The following PIK3C2G variants were observed in gnomAD, a reference collection of about 807,000 sequenced individuals.
PIK3C2G encodes phosphatidylinositol 3-kinase C2 domain-containing subunit gamma.
Under a neutral mutation model 181.1 loss-of-function variants are expected in PIK3C2G, and 168 were observed. That is an observed-to-expected ratio of 0.93 (90% CI 0.82 to 1.05). PIK3C2G has a LOEUF of 1.05. Among genes scored for constraint, PIK3C2G ranks in the 50% least tolerant of loss-of-function variants. PIK3C2G has a pLI of 0.00. For synonymous variants in PIK3C2G, 573 were observed against 592.2 expected (o/e 0.97, Z 0.47); for missense variants, 1,869 against 1,732.8 (o/e 1.08, Z -1.40).
chr12:18,495,487 A>C lies in PIK3C2G; in HGVS notation c.2794-575A>C, dbSNP rs556519150. On this transcript the variant is annotated intron_variant, in intron 20 of 32. Transcript: ENST00000538779. Reference sequence around the variant, plus strand: ...GAAAAATGTAAGGATTTTTCAAAGTACCTGATTAGTGTCAGGCATTGTAAA... The same window carrying C: ...GAAAAATGTAAGGATTTTTCAAAGTCCCTGATTAGTGTCAGGCATTGTAAA... Among the ~76,000 whole-genome samples, 61 of 152,106 alleles carry C rather than the reference A, an allele frequency of 4.0e-4. 1 individual carries two copies. The highest frequency in any genetic ancestry group is 2.2e-3 in the Admixed American group (33 of 15,270).
At chr12:18,693,194 A>C in the PIK3C2G span, 1 of 1,564,328 alleles carries the variant, frequency 6.4e-7, no homozygotes, top group Non-Finnish European at 8.8e-7. Flanking sequence ...TTTCATTTGC[A>C]GACAAGGATC....
At chr12:18,705,691 C>A in the PIK3C2G span, among the ~76,000 whole-genome samples, 7 of 150,360 alleles carry the variant, frequency 4.7e-5, no homozygotes, top group African/African-American at 7.4e-5. Context: ...CATAGTGAAA[C>A]CCCATCTCTA....
chr12:18,457,614 T>C (rs1238981053), intron 18 of PIK3C2G, among the ~76,000 whole-genome samples: 2 of 152,176 alleles, frequency 1.3e-5, no homozygotes, highest in African/African-American at 4.8e-5. Flanking sequence ...TCTCTCTGTC[T>C]GTAATCATCT....
chr12:18,718,778 T>C, the PIK3C2G span, among the ~76,000 whole-genome samples: 1 of 152,220 alleles, frequency 6.6e-6, no homozygotes, highest in African/African-American at 2.4e-5. Context: ...TTTACCTGGT[T>C]ATTATCTGTC....
chr12:18,589,155 A>G (rs1946942316), intron 29 of PIK3C2G, among the ~76,000 whole-genome samples: 1 of 151,848 alleles, frequency 6.6e-6, no homozygotes, highest in South Asian at 2.1e-4. Context: ...CATATAACAA[A>G]CCTGCACATG....
chr12:18,561,397 T>TG (rs1945335043), intron 26 of PIK3C2G, among the ~76,000 whole-genome samples: 1 of 152,216 alleles, frequency 6.6e-6, no homozygotes, highest in Non-Finnish European at 1.5e-5. Context: ...GAAGATCCTT[T>TG]GAGCCTAGGA....
intron 1 of PIK3C2G, among the ~76,000 whole-genome samples, chr12:18,274,147 G>A (rs1238709874): frequency 6.6e-6 from 1 of 152,154 alleles, no homozygotes; most frequent in African/African-American, 2.4e-5. Flanking sequence ...AAAAAGTCAG[G>A]AAACAACAGG....
Position 18,362,812 on chromosome 12 carries a change from GC to G in PIK3C2G, c.1675del (p.Leu559CysfsTer4). 6.6e-7 allele frequency: 1 copy of G among 1,524,028 alleles called. No individual in the cohort carries two copies. Among genetic ancestry groups the G allele is most frequent in the Non-Finnish European group, 8.8e-7 (1 of 1,141,440 alleles). 94.4% of individuals were successfully genotyped at this position (1,524,028 alleles called of 1,614,324 possible). On this transcript the variant is annotated frameshift_variant, in exon 12 of 33. Transcript: ENST00000538779. LOFTEE classifies it high-confidence loss of function. ...GTTGGCTTACATATGCTGGAAAGAA[GC>G]TGTGCCAAGTGAGAAACTACAGAAA... is the stretch of plus-strand genomic sequence containing the variant. ...TCWLTYAGKK[L>X]CQVRNYRNIP... is the part of the protein sequence containing the mutation.
intron 28 of PIK3C2G, among the ~76,000 whole-genome samples, chr12:18,566,348 G>GAT (rs1482820240): frequency 6.6e-6 from 1 of 152,160 alleles, no homozygotes; most frequent in East Asian, 1.9e-4. Flanking sequence ...TAGACAGCAA[G>GAT]ATATGTTACC....
At chr12:18,612,256 C>G (rs1948378352) in intron 31 of PIK3C2G, among the ~76,000 whole-genome samples, 1 of 152,094 alleles carries the variant, frequency 6.6e-6, no homozygotes, top group Non-Finnish European at 1.5e-5. Context: ...CTCTGTGGCT[C>G]AATCTCACAT....
chr12:18,723,457 A>G, the PIK3C2G span: 428 of 1,612,926 alleles, frequency 2.7e-4, 1 homozygote, highest in Non-Finnish European at 2.9e-4. Flanking sequence ...GAAAATCTCA[A>G]TAATTTCTTC....
downstream of PIK3C2G, among the ~76,000 whole-genome samples, chr12:18,650,754 A>G (rs187833642): frequency 0.18 from 18,930 of 105,256 alleles, 2,516 homozygotes; most frequent in East Asian, 0.34. Context: ...ATATATATAT[A>G]TATATATATA....
At position 18,453,380 on chromosome 12, in the gene PIK3C2G, C is replaced by CT. The variant is rs375979688; in HGVS notation, c.2504+29349dup. On this transcript the variant is annotated intron_variant, in intron 18 of 32. Transcript: ENST00000538779. ...TCAGAGACTAGGATTGCAACTCCTGCTTTTTTTTGCTTTTCATTTGCTTGG... is the reference window on the plus strand; with the variant it reads ...TCAGAGACTAGGATTGCAACTCCTGCTTTTTTTTTGCTTTTCATTTGCTTGG... Among the ~76,000 whole-genome samples the CT allele has an allele frequency of 1.5e-3, 227 of 151,872 alleles. 1 individual carries two copies. Among genetic ancestry groups the CT allele is most frequent in the African/African-American group, 5.2e-3 (216 of 41,468 alleles).
intron 8 of PIK3C2G, among the ~76,000 whole-genome samples, chr12:18,333,581 G>T (rs1938204768): frequency 6.6e-6 from 1 of 152,062 alleles, no homozygotes. Context: ...AAGAATGATG[G>T]TTTCCAGCTT....
At chr12:18,266,812 T>G (rs2137028214) in intron 1 of PIK3C2G, among the ~76,000 whole-genome samples, 1 of 152,004 alleles carries the variant, frequency 6.6e-6, no homozygotes, top group Non-Finnish European at 1.5e-5. Flanking sequence ...CCTCTCGTCC[T>G]CTCTCCCTCC....
At chr12:18,313,023 CT>C (rs1368300897) in intron 5 of PIK3C2G, among the ~76,000 whole-genome samples, 3 of 151,976 alleles carry the variant, frequency 2.0e-5, no homozygotes, top group African/African-American at 7.3e-5. Flanking sequence ...TTACAAGTAT[CT>C]AATATACTTT....
At chr12:18,322,771 G>C (rs1951167808) in intron 7 of PIK3C2G, among the ~76,000 whole-genome samples, 1 of 152,064 alleles carries the variant, frequency 6.6e-6, no homozygotes, top group Non-Finnish European at 1.5e-5. Flanking sequence ...TAAAATCATA[G>C]AATGGCTAGG....
the PIK3C2G span, among the ~76,000 whole-genome samples, chr12:18,663,487 A>G: frequency 1.3e-5 from 2 of 152,286 alleles, no homozygotes; most frequent in African/African-American, 2.4e-5. Flanking sequence ...TGCAAATACT[A>G]TGCTATTTTA....
intron 29 of PIK3C2G, among the ~76,000 whole-genome samples, chr12:18,580,750 T>G (rs548052525): frequency 6.6e-6 from 1 of 152,306 alleles, no homozygotes; most frequent in Non-Finnish European, 1.5e-5. Flanking sequence ...ACACACTGCT[T>G]TATAAAAAAA....
Sources: gnomAD v4.1 joint callset for allele counts (sites outside exome capture counted in the v4.1 genomes callset) on GRCh38, gnomAD v4.1.1 for gene constraint, MANE v1.5 for transcripts, NCBI Gene and HGNC (gene_info 2026-07-23, HGNC 2026-07-21) for gene names.